Variants in MDGA2 observed in about 807,000 individuals in gnomAD.
MDGA2 encodes MAM domain-containing glycosylphosphatidylinositol anchor protein 2.
MDGA2 carries 40 observed loss-of-function variants against 117.8 expected under a neutral mutation model. The ratio of observed to expected loss-of-function variants is 0.34; its 90% CI spans 0.26 to 0.44. The LOEUF is 0.44. MDGA2 is among the 20% of genes least tolerant of loss of function. The probability of loss-of-function intolerance (pLI) is 1.00; values close to 1 mark genes in which losing one functional copy is unlikely to be tolerated. For synonymous variants in MDGA2, 452 were observed against 439.0 expected, an observed-to-expected ratio of 1.03 and a Z score of -0.37; for missense variants, 1,123 against 1,250.6, an observed-to-expected ratio of 0.90 and a Z score of 1.54.
intron 1 of MDGA2, among the ~76,000 whole-genome samples, chr14:47,605,674 CA>C (rs1297186544): frequency 1.3e-5 from 2 of 152,060 alleles, no homozygotes; most frequent in Non-Finnish European, 2.9e-5. Context: ...CAGAATTCCT[CA>C]AAATCACTTT....
At chr14:46,952,571 G>C (rs998662833) in intron 9 of MDGA2, among the ~76,000 whole-genome samples, 3 of 151,972 alleles carry the variant, frequency 2.0e-5, no homozygotes, top group African/African-American at 7.2e-5. Flanking sequence ...ATTTACAGCA[G>C]TAATCATTAA....
At chr14:46,968,907 C>CA (rs912471254) in intron 8 of MDGA2, among the ~76,000 whole-genome samples, 11 of 147,320 alleles carry the variant, frequency 7.5e-5, no homozygotes, top group South Asian at 2.1e-4. Context: ...AAAATCAAAA[C>CA]AAAAAAATCA....
chr14:46,978,309 T>C (rs1455783524), intron 8 of MDGA2, among the ~76,000 whole-genome samples: 1 of 151,938 alleles, frequency 6.6e-6, no homozygotes, highest in African/African-American at 2.4e-5. Flanking sequence ...AATACATCAC[T>C]GTAATTAGGT....
chr14:46,941,811 CTG>C (rs1885011290), intron 9 of MDGA2, among the ~76,000 whole-genome samples: 2 of 152,226 alleles, frequency 1.3e-5, no homozygotes, highest in Non-Finnish European at 2.9e-5. Context: ...TCAGAGGAAA[CTG>C]TTTGAATTTT....
At chr14:47,652,037 A>C (rs1156401076) in intron 1 of MDGA2, among the ~76,000 whole-genome samples, 1 of 152,174 alleles carries the variant, frequency 6.6e-6, no homozygotes, top group Non-Finnish European at 1.5e-5. Flanking sequence ...TAAGTTTAAA[A>C]GTTGGCAGAC....
intron 1 of MDGA2, among the ~76,000 whole-genome samples, chr14:47,486,793 C>T (rs2013998): frequency 0.19 from 29,358 of 152,120 alleles, 3,493 homozygotes; most frequent in East Asian, 0.53. Flanking sequence ...TAAGACATAA[C>T]TTGCTCCCCC....
chr14:46,874,252 G>A, intron 12 of MDGA2, 52 bp from the exon 13 acceptor site: 1 of 893,288 alleles, frequency 1.1e-6, no homozygotes, highest in Non-Finnish European at 1.5e-6. Context: ...TACACATACT[G>A]CAATATTTTC....
At position 47,326,052 on chromosome 14, in the gene MDGA2, C is replaced by T. The variant is rs554928561; in HGVS notation, c.281-24502G>A. Among the ~76,000 whole-genome samples, 16 of 152,096 alleles carry T rather than the reference C, an allele frequency of 1.1e-4. 1 individual carries two copies. The South Asian group carries it at 3.1e-3, about 30-fold the overall frequency. On this transcript the variant is annotated intron_variant, in intron 1 of 16. Coordinates refer to ENST00000399232, the MANE Select transcript of MDGA2 (RefSeq NM_001113498.3). ...AATATTAGACATTAATCTAAGATGACAGCAATGTGAATTTGAGGAAAAATA... is the reference window on the plus strand; with the variant it reads ...AATATTAGACATTAATCTAAGATGATAGCAATGTGAATTTGAGGAAAAATA...
At chr14:47,398,003 T>G (rs1170042199) in intron 1 of MDGA2, among the ~76,000 whole-genome samples, 1 of 152,178 alleles carries the variant, frequency 6.6e-6, no homozygotes, top group African/African-American at 2.4e-5. Flanking sequence ...CATTTTATCC[T>G]CACAACATCG....
chr14:46,877,183 T>C (rs1291692526), intron 12 of MDGA2, among the ~76,000 whole-genome samples: 1 of 151,176 alleles, frequency 6.6e-6, no homozygotes, highest in Non-Finnish European at 1.5e-5. Flanking sequence ...TGATATGCAA[T>C]CCCACAAAAG....
chr14:46,874,912 A>G (rs1477000289), intron 12 of MDGA2, among the ~76,000 whole-genome samples: 1 of 151,586 alleles, frequency 6.6e-6, no homozygotes, highest in South Asian at 2.1e-4. Context: ...TGTGGGTGGT[A>G]GTAGTAATGT....
chr14:47,352,176 C>A (rs987556952), intron 1 of MDGA2, among the ~76,000 whole-genome samples: 3 of 152,158 alleles, frequency 2.0e-5, no homozygotes, highest in African/African-American at 7.2e-5. Flanking sequence ...GCCTCAGCAA[C>A]TTACCTGGGC....
Position 46,882,130 on chromosome 14 carries a change from A to G in MDGA2, c.2330T>C (p.Ile777Thr), listed in dbSNP as rs1400141091. The change falls in exon 11 of 17, where the codon ATT (isoleucine) becomes ACT (threonine). Residue 777 changes from isoleucine (I) to threonine (T), a missense_variant. Physicochemically the swap from Ile to Thr is moderately conservative, Grantham distance 89. Transcript: ENST00000399232. Reference sequence around the variant, plus strand: ...TCGGACTTCATAAGCTTCTGGTTTAATTAGCTCTGTCAAGTTATATGTAAT... The same window carrying G: ...TCGGACTTCATAAGCTTCTGGTTTAGTTAGCTCTGTCAAGTTATATGTAAT... ...ELITYNLTEL[I>T]KPEAYEVRLT... 5 of 1,612,582 alleles carry G rather than the reference A, an allele frequency of 3.1e-6. No individual in the cohort carries two copies. Among genetic ancestry groups the G allele is most frequent in the Non-Finnish European group, 4.2e-6 (5 of 1,179,138 alleles).
intron 1 of MDGA2, among the ~76,000 whole-genome samples, chr14:47,401,306 G>A (rs1892143458): frequency 6.6e-6 from 1 of 152,082 alleles, no homozygotes; most frequent in Admixed American, 6.6e-5. Flanking sequence ...TGTCTTTAGG[G>A]AAGATGACAG....
At chr14:47,634,770 T>C (rs1052322923) in intron 1 of MDGA2, among the ~76,000 whole-genome samples, 14 of 152,104 alleles carry the variant, frequency 9.2e-5, no homozygotes, top group African/African-American at 3.4e-4. Context: ...TTTATTTACT[T>C]TGTGACAAAT....
intron 1 of MDGA2, among the ~76,000 whole-genome samples, chr14:47,478,919 T>A (rs185633309): frequency 5.9e-5 from 9 of 152,278 alleles, no homozygotes; most frequent in Admixed American, 4.6e-4. Context: ...GGAGCCTCAC[T>A]TTGGGCTTTT....
chr14:47,588,734 A>C (rs1896380059), intron 1 of MDGA2, among the ~76,000 whole-genome samples: 1 of 151,968 alleles, frequency 6.6e-6, no homozygotes, highest in Admixed American at 6.6e-5. Context: ...ATTCTAATGA[A>C]GTCCAATTTA....
intron 1 of MDGA2, among the ~76,000 whole-genome samples, chr14:47,593,664 G>A (rs566570025): frequency 1.3e-5 from 2 of 152,160 alleles, no homozygotes; most frequent in African/African-American, 4.8e-5. Context: ...ACTCATAAGT[G>A]TGAACTGAAC....
chr14:47,339,282 T>C (rs7148112), intron 1 of MDGA2, among the ~76,000 whole-genome samples: 33,305 of 152,104 alleles, frequency 0.22, 3,885 homozygotes, highest in African/African-American at 0.24. Flanking sequence ...CAATTACAAA[T>C]AATACAAAAA....
Sources: allele counts gnomAD v4.1 joint callset (sites outside exome capture counted in the v4.1 genomes callset), GRCh38; gene constraint gnomAD v4.1.1; transcripts MANE v1.5; gene names NCBI Gene and HGNC (gene_info 2026-07-23, HGNC 2026-07-21).